NAALADL2: variants seen among roughly 807,000 people sequenced by gnomAD.
NAALADL2 encodes the protein inactive N-acetylated-alpha-linked acidic dipeptidase-like protein 2.
A neutral mutation model predicts 87.2 loss-of-function variants in NAALADL2; 76 were observed. The ratio of observed to expected loss-of-function variants is 0.87; its 90% confidence interval spans 0.72 to 1.05. The LOEUF (loss-of-function observed/expected upper bound fraction) is 1.05, where lower values mean the gene tolerates loss of function less well. Among genes scored for constraint, NAALADL2 ranks in the 50% least tolerant of loss-of-function variants. NAALADL2 has a pLI of 0.00. For missense variants in NAALADL2, 1,089 were observed against 945.8 expected, an observed-to-expected ratio of 1.15 and a Z score of -1.99; for synonymous variants, 354 against 331.0, an observed-to-expected ratio of 1.07 and a Z score of -0.75.
chr3:175,178,250 A>T (rs940362444), intron 2 of NAALADL2, among the ~76,000 whole-genome samples: 14 of 152,082 alleles, frequency 9.2e-5, no homozygotes, highest in African/African-American at 3.1e-4. Flanking sequence ...TTATTATTAT[A>T]ATAGAAGAAA....
chr3:174,774,299 C>T (rs1714938214), intron 3 of NAALADL2, among the ~76,000 whole-genome samples: 1 of 152,198 alleles, frequency 6.6e-6, no homozygotes, highest in Non-Finnish European at 1.5e-5. Context: ...TACCATCTCT[C>T]TGCAGTCCTC....
chr3:175,128,332 T>C (rs1167571517), intron 2 of NAALADL2, among the ~76,000 whole-genome samples: 1 of 152,188 alleles, frequency 6.6e-6, no homozygotes, highest in Non-Finnish European at 1.5e-5. Flanking sequence ...AATTCTTACA[T>C]ATTTGAAGAT....
At position 175,437,287 on chromosome 3, in the gene NAALADL2, G is replaced by A. The variant is rs552483914; in HGVS notation, c.1091-9942G>A. 1.6e-3 allele frequency among the ~76,000 whole-genome samples: 225 copies of A among 145,154 alleles called. 2 individuals carry two copies. The highest frequency in any genetic ancestry group is 4.8e-3 in the African/African-American group (186 of 38,480). Reference sequence around the variant, plus strand: ...CAAAATCAATGTACAAAAATCACAAGCATTCTTATACACCAACAACAGACA... The same window carrying A: ...CAAAATCAATGTACAAAAATCACAAACATTCTTATACACCAACAACAGACA... On this transcript the variant is annotated intron_variant, in intron 5 of 13. Transcript: ENST00000454872.
intron 10 of NAALADL2, among the ~76,000 whole-genome samples, chr3:175,576,893 A>G (rs1582472028): frequency 6.6e-6 from 1 of 152,334 alleles, no homozygotes; most frequent in South Asian, 2.1e-4. Context: ...TTACATTAAC[A>G]AAATAATGGC....
chr3:175,763,858 A>G (rs1748346726), intron 13 of NAALADL2, among the ~76,000 whole-genome samples: 3 of 152,108 alleles, frequency 2.0e-5, no homozygotes, highest in Admixed American at 1.3e-4. Flanking sequence ...ACACTGCTGC[A>G]TTACTGTGGT....
chr3:175,028,610 G>A (rs113882173), intron 1 of NAALADL2, among the ~76,000 whole-genome samples: 8,157 of 151,772 alleles, frequency 0.054, 263 homozygotes, highest in Middle Eastern at 0.12. Flanking sequence ...TTTTCCCTAA[G>A]ATCTAAAAAA....
intron 9 of NAALADL2, among the ~76,000 whole-genome samples, chr3:175,547,366 CAGA>C (rs1713527237): frequency 6.6e-6 from 1 of 151,986 alleles, no homozygotes; most frequent in African/African-American, 2.4e-5. Flanking sequence ...TAGCCATATG[CAGA>C]AGATTAAAAC....
chr3:175,773,898 A>ACT (rs1231713896), intron 13 of NAALADL2, among the ~76,000 whole-genome samples: 1 of 152,026 alleles, frequency 6.6e-6, no homozygotes, highest in Non-Finnish European at 1.5e-5. Context: ...CTATATAGCC[A>ACT]CTCTTCCCCC....
At chr3:174,833,248 G>C (rs1722941443) in intron 3 of NAALADL2, among the ~76,000 whole-genome samples, 1 of 152,080 alleles carries the variant, frequency 6.6e-6, no homozygotes, top group African/African-American at 2.4e-5. Context: ...CATTTTCTTA[G>C]TCTGTTAGGT....
intron 13 of NAALADL2, among the ~76,000 whole-genome samples, chr3:175,766,722 G>C (rs1291501497): frequency 6.6e-6 from 1 of 152,120 alleles, no homozygotes; most frequent in Non-Finnish European, 1.5e-5. Context: ...AAAGGATCAT[G>C]CTGAGTATTT....
chr3:175,053,695 C>G (rs1424696752), intron 1 of NAALADL2, among the ~76,000 whole-genome samples: 4 of 152,202 alleles, frequency 2.6e-5, no homozygotes, highest in African/African-American at 9.6e-5. Flanking sequence ...ACATGTGTGA[C>G]ATCCGTTTGC....
chr3:174,549,863 G>A (rs939913122), intron 1 of NAALADL2, among the ~76,000 whole-genome samples: 4 of 151,976 alleles, frequency 2.6e-5, no homozygotes, highest in Non-Finnish European at 5.9e-5. Context: ...TCCGGTGATG[G>A]GGAGCATTTA....
chr3:175,377,849 G>A (rs570595180), intron 5 of NAALADL2, among the ~76,000 whole-genome samples: 8 of 152,166 alleles, frequency 5.3e-5, no homozygotes, highest in Non-Finnish European at 8.8e-5. Context: ...TCCAGCTGGA[G>A]ACTTCCGGAC....
chr3:174,896,631 A>C (rs1731571705), intron 1 of NAALADL2, among the ~76,000 whole-genome samples: 1 of 152,202 alleles, frequency 6.6e-6, no homozygotes, highest in Non-Finnish European at 1.5e-5. Context: ...CTATCAAAAT[A>C]CCAATGACAT....
rs1750214779 is a variant in NAALADL2, at chr3:175,013,133, T to TATATATATATAC, written c.44-83654_44-83653insTATATATACATA. On this transcript the variant is annotated intron_variant, in intron 1 of 13. Coordinates refer to ENST00000454872, the MANE Select transcript of NAALADL2 (RefSeq NM_207015.3). Reference sequence around the variant, plus strand: ...TTATATATAAATATACATATTTATATATAAATATGTAATACATATTTATAT... The same window carrying TATATATATATAC: ...TTATATATAAATATACATATTTATATATATATATATACATAAATATGTAATACATATTTATAT... Among the ~76,000 whole-genome samples the TATATATATATAC allele has an allele frequency of 2.0e-5, 2 of 99,838 alleles. 1 individual carries two copies. Among genetic ancestry groups the TATATATATATAC allele is most frequent in the East Asian group, 5.1e-4 (2 of 3,958 alleles). 65.5% of individuals were successfully genotyped at this position (99,838 alleles called of 152,430 possible). A position where few individuals can be genotyped will look rare whatever the true frequency, so the allele number is the denominator to read the frequency against.
chr3:175,471,667 T>C lies in NAALADL2; in HGVS notation c.1562T>C (p.Val521Ala). The stretch of plus-strand genomic sequence containing the variant: ...TTCAAGAAGGTTCTTCAGAAAAATG[T>C]TGTGGCTTATATTAGCCTCCACAGT... ...EDFKKVLQKN[V>A]VAYISLHSPI... The change falls in exon 9 of 14, where the codon GTT becomes GCT. Residue 521 changes from valine to alanine, a missense_variant. Transcript: ENST00000454872. 2 of 1,543,022 alleles carry C rather than the reference T, an allele frequency of 1.3e-6. No individual in the cohort carries two copies. Among genetic ancestry groups the C allele is most frequent in the Non-Finnish European group, 8.9e-7 (1 of 1,118,606 alleles).
rs572475671 is a variant in NAALADL2, at chr3:175,808,242, G to T, written c.*5039G>T. The T allele has an allele frequency of 2.0e-5, 3 of 151,970 alleles. No individual in the cohort carries two copies. The highest frequency in any genetic ancestry group is 4.4e-5 in the Non-Finnish European group (3 of 67,904). The allele number at this position is 151,970 out of a possible 1,614,324, so 9.4% of individuals were successfully genotyped here. On this transcript the variant is annotated 3_prime_UTR_variant, in exon 14 of 14. Transcript: ENST00000454872. ...CCATTTATAATCTCATATTCGGGTT[G>T]AATCTGAATTTACAAATAAAAGGGT...
intron 1 of NAALADL2, among the ~76,000 whole-genome samples, chr3:174,925,334 T>C (rs1735845631): frequency 6.6e-6 from 1 of 152,338 alleles, no homozygotes; most frequent in African/African-American, 2.4e-5. Flanking sequence ...GGGAATCCTT[T>C]CCCCATTTCT....
chr3:174,751,361 T>C (rs970458123), intron 3 of NAALADL2, among the ~76,000 whole-genome samples: 1 of 152,020 alleles, frequency 6.6e-6, no homozygotes, highest in Non-Finnish European at 1.5e-5. Context: ...TTAATGTAAA[T>C]TAATATCATA....
Sources: gnomAD v4.1 joint callset for allele counts (sites outside exome capture counted in the v4.1 genomes callset) on GRCh38, gnomAD v4.1.1 for gene constraint, MANE v1.5 for transcripts, NCBI Gene and HGNC (gene_info 2026-07-23, HGNC 2026-07-21) for gene names.